The following SAMD4A variants were observed in gnomAD, a reference collection of about 807,000 sequenced individuals.
SAMD4A encodes the protein sterile alpha motif domain containing 4A, also known as protein Smaug homolog 1.
A neutral mutation model predicts 81.3 loss-of-function variants in SAMD4A; 33 were observed. The observed-to-expected ratio is 0.41, with a 90% CI of 0.31 to 0.54. The LOEUF (loss-of-function observed/expected upper bound fraction) is 0.54, where lower values mean the gene tolerates loss of function less well. SAMD4A is among the 20% of genes least tolerant of loss of function. The pLI is 0.37. For missense variants in SAMD4A, 854 were observed against 951.1 expected (o/e 0.90, Z 1.34); for synonymous variants, 389 against 382.1 (o/e 1.02, Z -0.21).
At chr14:54,768,522 C>G (rs2038616816) in intron 8 of SAMD4A, among the ~76,000 whole-genome samples, 1 of 152,232 alleles carries the variant, frequency 6.6e-6, no homozygotes, top group Non-Finnish European at 1.5e-5. Context: ...CTCTCCTCCC[C>G]AGGTCACCCT....
chr14:54,708,162 G>A (rs1292090531), intron 3 of SAMD4A, among the ~76,000 whole-genome samples: 1 of 152,226 alleles, frequency 6.6e-6, no homozygotes, highest in Non-Finnish European at 1.5e-5. Context: ...TACAGTAGAA[G>A]GGTGAGAAGA....
intron 3 of SAMD4A, among the ~76,000 whole-genome samples, chr14:54,733,365 T>C (rs2140912223): frequency 4.3e-5 from 1 of 23,182 alleles, no homozygotes; most frequent in Non-Finnish European, 1.7e-4. Flanking sequence ...AAAATTTTTA[T>C]AGAGGTTTTT....
At chr14:54,734,024 C>G (rs936422661) in intron 3 of SAMD4A, among the ~76,000 whole-genome samples, 81 of 152,310 alleles carry the variant, frequency 5.3e-4, no homozygotes, top group African/African-American at 1.9e-3. Flanking sequence ...ACAGTATTTC[C>G]TCTGTCACTT....
intron 2 of SAMD4A, among the ~76,000 whole-genome samples, chr14:54,648,211 G>A (rs551550110): frequency 2.0e-5 from 3 of 152,328 alleles, no homozygotes; most frequent in African/African-American, 4.8e-5. Flanking sequence ...GCAATAGGAG[G>A]AAACTAAGGG....
At chr14:54,778,429 G>A (rs538398159) in intron 11 of SAMD4A, among the ~76,000 whole-genome samples, 14 of 152,272 alleles carry the variant, frequency 9.2e-5, no homozygotes, top group African/African-American at 2.6e-4. Flanking sequence ...CACTCTTCAT[G>A]CAAACCCTCT....
At chr14:54,788,771 A>G (rs2039204605) in intron 12 of SAMD4A, 145 bp from the exon 13 acceptor site, 2 of 894,844 alleles carry the variant, frequency 2.2e-6, no homozygotes, top group African/African-American at 3.3e-5. Context: ...GTGGGTGGGT[A>G]TGTAAATGCG....
At chr14:54,756,725 G>A (rs577835215) in intron 6 of SAMD4A, among the ~76,000 whole-genome samples, 104 of 152,254 alleles carry the variant, frequency 6.8e-4, no homozygotes, top group African/African-American at 2.2e-3. Context: ...AGGACACTTC[G>A]GCTGCTCAAG....
intron 4 of SAMD4A, among the ~76,000 whole-genome samples, chr14:54,748,069 C>G (rs1442435778): frequency 6.6e-6 from 1 of 151,962 alleles, no homozygotes; most frequent in African/African-American, 2.4e-5. Flanking sequence ...ATCTTTGGGC[C>G]TTTCAAGTCC....
intron 2 of SAMD4A, among the ~76,000 whole-genome samples, chr14:54,584,727 T>C (rs763835087): frequency 2.6e-5 from 4 of 152,196 alleles, no homozygotes; most frequent in Non-Finnish European, 4.4e-5. Flanking sequence ...ATAAATGTTC[T>C]TACCTAAGTT....
intron 3 of SAMD4A, among the ~76,000 whole-genome samples, chr14:54,707,789 A>G (rs2140783989): frequency 6.6e-6 from 1 of 152,248 alleles, no homozygotes; most frequent in East Asian, 1.9e-4. Context: ...AAGCTGGAGC[A>G]AAGATCCCAA....
intron 2 of SAMD4A, among the ~76,000 whole-genome samples, chr14:54,572,881 A>G (rs1037005858): frequency 5.9e-5 from 9 of 152,206 alleles, no homozygotes; most frequent in Non-Finnish European, 2.9e-5. Flanking sequence ...TTTTCATTTA[A>G]AGGATTATGA....
Position 54,765,629 on chromosome 14 carries a change from G to GA in SAMD4A, c.1596+1100dup, listed in dbSNP as rs1051287272. ...GCAACACAGTGAGACTTGTCTCGGG[G>GA]AAAAAAAAAAATAGTAAAGGCCCCA... On this transcript the variant is annotated intron_variant, in intron 8 of 12. Coordinates refer to ENST00000554335, the MANE Select transcript of SAMD4A (RefSeq NM_015589.6). Among the ~76,000 whole-genome samples the GA allele has an allele frequency of 7.5e-3, 1,098 of 147,072 alleles. 12 individuals carry two copies. The highest frequency in any genetic ancestry group is 0.025 in the African/African-American group (1,023 of 40,362).
At chr14:54,698,455 G>A (rs1295843375) in intron 2 of SAMD4A, among the ~76,000 whole-genome samples, 7 of 152,184 alleles carry the variant, frequency 4.6e-5, no homozygotes, top group Admixed American at 4.6e-4. Context: ...GGGGCTGGGG[G>A]CAAGTAACTT....
chr14:54,602,539 G>C (rs1483052131), intron 2 of SAMD4A, among the ~76,000 whole-genome samples: 2 of 152,098 alleles, frequency 1.3e-5, no homozygotes, highest in African/African-American at 2.4e-5. Flanking sequence ...GGAATGACAT[G>C]AGTAGCCCCA....
chr14:54,763,665 C>T (rs1419281308), intron 7 of SAMD4A, among the ~76,000 whole-genome samples: 2 of 152,178 alleles, frequency 1.3e-5, no homozygotes, highest in African/African-American at 4.8e-5. Flanking sequence ...CCTTGAGTGT[C>T]AGACATTTTT....
At chr14:54,721,527 TTCTTGA>T (rs755605500) in intron 3 of SAMD4A, among the ~76,000 whole-genome samples, 3 of 152,298 alleles carry the variant, frequency 2.0e-5, no homozygotes, top group Non-Finnish European at 2.9e-5. Context: ...GCTCTTACTT[TTCTTGA>T]TAGTAATCTT....
At chr14:54,704,468 A>G (rs867285826) in intron 3 of SAMD4A, among the ~76,000 whole-genome samples, 12 of 152,346 alleles carry the variant, frequency 7.9e-5, no homozygotes, top group South Asian at 2.1e-4. Flanking sequence ...TTATACATTC[A>G]GGATCAGGTC....
At chr14:54,652,913 C>A (rs2035437055) in intron 2 of SAMD4A, 1 of 152,140 alleles carries the variant, frequency 6.6e-6, no homozygotes, top group Admixed American at 6.6e-5. Flanking sequence ...AATCCTGATT[C>A]TCTTCTTCCA....
intron 2 of SAMD4A, among the ~76,000 whole-genome samples, chr14:54,619,682 C>T (rs1282912422): frequency 6.6e-6 from 1 of 152,158 alleles, no homozygotes; most frequent in Non-Finnish European, 1.5e-5. Context: ...TGTTGTTCCC[C>T]TCTATGTGTC....
Sources: allele counts gnomAD v4.1 joint callset (sites outside exome capture counted in the v4.1 genomes callset), GRCh38; gene constraint gnomAD v4.1.1; transcripts MANE v1.5; gene names NCBI Gene and HGNC (gene_info 2026-07-23, HGNC 2026-07-21).